VMA12: variants seen among roughly 807,000 people sequenced by gnomAD.
VMA12 encodes the protein vacuolar ATPase assembly factor VMA12.
At chr17:28,360,424 G>C in the VMA12 span, 1 of 1,033,904 alleles carries the variant, frequency 9.7e-7, no homozygotes, top group Non-Finnish European at 1.5e-6. Context: ...TCCATGGGGA[G>C]GGCAGAGTTA....
the VMA12 span, chr17:28,359,100 T>G: frequency 8.6e-7 from 1 of 1,156,416 alleles, no homozygotes; most frequent in South Asian, 1.6e-5. Flanking sequence ...TTTGAAATCT[T>G]TGGGATCTGG....
the VMA12 span, chr17:28,358,407 C>T: frequency 8.5e-6 from 4 of 472,090 alleles, no homozygotes; most frequent in African/African-American, 2.0e-5. Context: ...AGTCATTTCT[C>T]CTCGCTGGGC....
the VMA12 span, chr17:28,361,127 T>A: frequency 6.2e-7 from 1 of 1,607,804 alleles, no homozygotes; most frequent in Non-Finnish European, 8.5e-7. Context: ...TTGGCCTGCA[T>A]CCCTTAAGCC....
the VMA12 span, chr17:28,363,536 G>A: frequency 3.9e-5 from 6 of 152,156 alleles, no homozygotes; most frequent in Non-Finnish European, 7.3e-5. Context: ...TTTATTTGGA[G>A]ATTAGTTGGT....
chr17:28,359,766 G>T, the VMA12 span, among the ~76,000 whole-genome samples: 1 of 152,004 alleles, frequency 6.6e-6, no homozygotes, highest in African/African-American at 2.4e-5. Context: ...TTAGCCTGGC[G>T]TGGTGGCGGG....
the VMA12 span, chr17:28,357,959 C>T: frequency 6.0e-6 from 9 of 1,489,532 alleles, no homozygotes; most frequent in East Asian, 4.7e-5. Context: ...CCCATCATTC[C>T]CCTTCTTCTA....
the VMA12 span, chr17:28,359,492 A>G: frequency 7.5e-7 from 1 of 1,327,224 alleles, no homozygotes; most frequent in Non-Finnish European, 1.1e-6. Flanking sequence ...TAGAAAAAAC[A>G]TGGAAACTTG....
the VMA12 span, chr17:28,360,579 A>G: frequency 6.2e-7 from 1 of 1,614,098 alleles, no homozygotes; most frequent in African/African-American, 1.3e-5. Context: ...AAGGTGAGGT[A>G]CTAGGAGATC....
At chr17:28,362,319 G>A in the VMA12 span, 12 of 152,162 alleles carry the variant, frequency 7.9e-5, no homozygotes, top group African/African-American at 2.9e-4. Context: ...AAAGTAGGTG[G>A]CATTTTACAG....
At chr17:28,359,970 C>T in the VMA12 span, among the ~76,000 whole-genome samples, 3 of 151,472 alleles carry the variant, frequency 2.0e-5, no homozygotes, top group East Asian at 1.9e-4. Flanking sequence ...TTTTTTTCTT[C>T]TTCTTTTTTT....
the VMA12 span, chr17:28,359,610 T>C: frequency 1.4e-5 from 6 of 435,700 alleles, no homozygotes; most frequent in African/African-American, 1.1e-4. Context: ...TTAAACGTCA[T>C]AGAAGTGGGA....
the VMA12 span, chr17:28,362,104 C>T: frequency 1.3e-5 from 2 of 151,866 alleles, no homozygotes; most frequent in African/African-American, 2.4e-5. Flanking sequence ...CAAAGCATAG[C>T]GATTTCCATA....
At chr17:28,361,112 GGTT>G in the VMA12 span, 2 of 1,580,222 alleles carry the variant, frequency 1.3e-6, no homozygotes, top group Non-Finnish European at 8.7e-7. Flanking sequence ...GTACAGAGCT[GGTT>G]GTTGGCCTGC....
At chr17:28,359,566 C>G in the VMA12 span, 1 of 583,404 alleles carries the variant, frequency 1.7e-6, no homozygotes, top group Non-Finnish European at 2.9e-6. Context: ...CCATCTCATT[C>G]ACTGAGACTC....
the VMA12 span, chr17:28,357,688 T>C: frequency 1.9e-6 from 3 of 1,612,506 alleles, no homozygotes; most frequent in East Asian, 6.7e-5. Context: ...CCTCTTTGCT[T>C]GCGGGCGAGC....
the VMA12 span, chr17:28,360,620 C>A: frequency 1.9e-6 from 3 of 1,608,432 alleles, no homozygotes; most frequent in South Asian, 3.3e-5. Context: ...TGAGATGGGT[C>A]ATGACACTCA....
the VMA12 span, chr17:28,359,544 A>G: frequency 7.2e-6 from 5 of 691,044 alleles, no homozygotes; most frequent in Non-Finnish European, 1.2e-5. Flanking sequence ...CTGCATACAA[A>G]CAACACAGTT....
At chr17:28,358,917 T>C in the VMA12 span, 2 of 1,608,478 alleles carry the variant, frequency 1.2e-6, no homozygotes, top group Admixed American at 1.7e-5. Context: ...TCTTCTCAGA[T>C]TCCAAACTAT....
the VMA12 span, chr17:28,361,311 G>A: frequency 2.6e-6 from 4 of 1,531,336 alleles, no homozygotes; most frequent in Non-Finnish European, 2.7e-6. Flanking sequence ...CCAATTGGCA[G>A]TCACCGACTC....
Sources: allele counts gnomAD v4.1 joint callset (sites outside exome capture counted in the v4.1 genomes callset), GRCh38; gene constraint gnomAD v4.1.1; transcripts MANE v1.5; gene names NCBI Gene and HGNC (gene_info 2026-07-23, HGNC 2026-07-21).